The following EPG5 variants were observed in gnomAD, a reference collection of about 807,000 sequenced individuals.
EPG5 encodes ectopic P granules protein 5 homolog.
EPG5 carries 159 observed loss-of-function variants against 302.7 expected under a neutral mutation model. The observed-to-expected ratio is 0.53, with a 90% confidence interval of 0.46 to 0.60. The LOEUF (loss-of-function observed/expected upper bound fraction) is 0.60, where lower values mean the gene tolerates loss of function less well. Ranked by LOEUF, EPG5 falls within the 20% of genes least tolerant of loss-of-function variation. EPG5 has a pLI of 0.00. For synonymous variants in EPG5, 1,158 were observed against 1,136.8 expected (o/e 1.02, Z -0.37); for missense variants, 2,896 against 3,092.4 (o/e 0.94, Z 1.51).
chr18:45,964,827 C>G lies in EPG5; in HGVS notation c.63+2350G>C, dbSNP rs563985764. Reference sequence around the variant, plus strand: ...CACTAACAATACAAAAATTACCCAGCCTGTAATCCCAGCTACTCGGGAGGC... The same window carrying G: ...CACTAACAATACAAAAATTACCCAGGCTGTAATCCCAGCTACTCGGGAGGC... On this transcript the variant is annotated intron_variant, in intron 1 of 43. Coordinates refer to ENST00000282041, the MANE Select transcript of EPG5 (RefSeq NM_020964.3). 4.3e-4 allele frequency among the ~76,000 whole-genome samples: 66 copies of G among 152,248 alleles called. 1 individual carries two copies. In the South Asian group the frequency reaches 0.014, roughly 32 times the overall value.
At chr18:45,924,264 T>A (rs2145772560) in intron 14 of EPG5, among the ~76,000 whole-genome samples, 1 of 152,254 alleles carries the variant, frequency 6.6e-6, no homozygotes, top group African/African-American at 2.4e-5. Flanking sequence ...ATAAGGAGAC[T>A]CTCACGCAGC....
At chr18:45,813,120 C>T in the EPG5 span, among the ~76,000 whole-genome samples, 2 of 152,166 alleles carry the variant, frequency 1.3e-5, no homozygotes, top group African/African-American at 2.4e-5. Context: ...TGAACAGACA[C>T]GTCTCAAAAG....
chr18:45,906,115 C>T (rs561871339), intron 24 of EPG5, among the ~76,000 whole-genome samples: 1 of 152,304 alleles, frequency 6.6e-6, no homozygotes, highest in South Asian at 2.1e-4. Context: ...ATATATACCT[C>T]CCCTTCTGAC....
At chr18:45,837,563 G>T in the EPG5 span, 1 of 1,516,382 alleles carries the variant, frequency 6.6e-7, no homozygotes, top group Admixed American at 2.0e-5. Flanking sequence ...GGTGAGCGCG[G>T]AGGCAGGCGA....
In EPG5 at chr18:45,916,098, T is replaced by G. The variant is rs61744077; in HGVS notation, c.3493A>C (p.Ile1165Leu). The G allele has an allele frequency of 2.7e-5, 43 of 1,613,970 alleles. No individual in the cohort carries two copies. The highest frequency in any genetic ancestry group is 3.6e-5 in the Non-Finnish European group (42 of 1,180,002). ...SQHLWYREQPILFLMDHLCKA... is the reference protein window; with the variant it reads ...SQHLWYREQPLLFLMDHLCKA... ...CACAAGTGGTCCATGAGGAAGAGGA[T>G]AGGTTGTTCTCGGTACCAGAGATGC... The change falls in exon 19 of 44, where the codon ATC (isoleucine) becomes CTC (leucine). Residue 1165 changes from isoleucine (I) to leucine (L), a missense_variant. Transcript: ENST00000282041.
At chr18:45,865,855 G>T in intron 38 of EPG5, 96 bp from the exon 39 acceptor site, 1 of 1,355,504 alleles carries the variant, frequency 7.4e-7, no homozygotes, top group Non-Finnish European at 1.0e-6. Flanking sequence ...ATGAATGCTT[G>T]GGTAGGGAGT....
intron 1 of EPG5, among the ~76,000 whole-genome samples, chr18:45,960,982 T>C (rs1192661299): frequency 1.3e-5 from 2 of 152,172 alleles, no homozygotes; most frequent in African/African-American, 4.8e-5. Flanking sequence ...ACCAAACTCC[T>C]GATTTTCCCC....
chr18:45,951,309 T>G (rs1213275458), intron 3 of EPG5, 71 bp from the exon 4 acceptor site: 1 of 1,133,904 alleles, frequency 8.8e-7, no homozygotes, highest in Admixed American at 3.2e-5. Context: ...TGTCTTCACT[T>G]AAACCAATAA....
intron 14 of EPG5, among the ~76,000 whole-genome samples, chr18:45,923,617 C>G (rs948155073): frequency 6.6e-6 from 1 of 152,152 alleles, no homozygotes; most frequent in African/African-American, 2.4e-5. Flanking sequence ...AACCCCTACT[C>G]CAGCCAAAAA....
Position 45,955,111 on chromosome 18 carries a change from C to G in EPG5, c.291G>C (p.Thr97=), listed in dbSNP as rs376360251. Residue 97 remains threonine, a synonymous_variant, in exon 2 of 44, where the codon ACG becomes ACC. Coordinates refer to ENST00000282041, the MANE Select transcript of EPG5 (RefSeq NM_020964.3). The stretch of plus-strand genomic sequence containing the variant: ...CTTCCTTTGGGGGCTCTGTGTTACA[C>G]GTCAGGGACTCTTCATTGCTTATAG... ...SLTISNEESL[T]CNTEPPKEGG... is the part of the protein sequence containing the mutation. 5 of 1,613,838 alleles carry G rather than the reference C, an allele frequency of 3.1e-6. No individual in the cohort carries two copies. The highest frequency in any genetic ancestry group is 4.2e-6 in the Non-Finnish European group (5 of 1,179,914).
chr18:45,861,765 ATTTTC>A (rs2048641236), intron 39 of EPG5, among the ~76,000 whole-genome samples: 1 of 152,016 alleles, frequency 6.6e-6, no homozygotes, highest in Non-Finnish European at 1.5e-5. Flanking sequence ...TGATCAGTAT[ATTTTC>A]TTTTGCAGAA....
chr18:45,830,890 G>C, the EPG5 span, among the ~76,000 whole-genome samples: 1 of 151,950 alleles, frequency 6.6e-6, no homozygotes, highest in African/African-American at 2.4e-5. Context: ...GAGCCACCGC[G>C]CTTGGCCAGC....
At chr18:45,911,073 ATC>A (rs1491251129) in intron 22 of EPG5, among the ~76,000 whole-genome samples, 4 of 131,890 alleles carry the variant, frequency 3.0e-5, no homozygotes, top group Non-Finnish European at 4.7e-5. Flanking sequence ...CTATCTATCT[ATC>A]TATACACACA....
chr18:45,837,762 G>A, the EPG5 span: 2 of 1,519,934 alleles, frequency 1.3e-6, no homozygotes, highest in East Asian at 5.4e-5. Context: ...GGCAACCCGC[G>A]CCGCAACGAC....
intron 10 of EPG5, among the ~76,000 whole-genome samples, chr18:45,938,663 T>G (rs936045518): frequency 1.3e-5 from 2 of 152,184 alleles, no homozygotes; most frequent in Non-Finnish European, 2.9e-5. Flanking sequence ...TGGTTTAAAA[T>G]GTATTTCCTC....
chr18:45,964,113 G>A (rs1171632663), intron 1 of EPG5, among the ~76,000 whole-genome samples: 1 of 152,174 alleles, frequency 6.6e-6, no homozygotes, highest in East Asian at 1.9e-4. Context: ...AGTTGCCTAA[G>A]ATGGATAAAA....
intron 16 of EPG5, among the ~76,000 whole-genome samples, chr18:45,920,059 T>C (rs957370517): frequency 3.9e-5 from 6 of 152,192 alleles, no homozygotes; most frequent in African/African-American, 7.2e-5. Flanking sequence ...ATCACCTCCA[T>C]TCTCCAACAT....
intron 27 of EPG5, among the ~76,000 whole-genome samples, chr18:45,897,047 A>T (rs2049495651): frequency 1.3e-5 from 2 of 152,202 alleles, no homozygotes; most frequent in African/African-American, 4.8e-5. Context: ...TAAAATCTCA[A>T]TTCAAGGGTT....
chr18:45,946,321 A>C (rs144643728), intron 7 of EPG5, among the ~76,000 whole-genome samples: 109 of 152,244 alleles, frequency 7.2e-4, no homozygotes, highest in African/African-American at 2.1e-3. Context: ...ATATAAAAAA[A>C]CTCCTAATAT....
Sources: gnomAD v4.1 joint callset for allele counts (sites outside exome capture counted in the v4.1 genomes callset) on GRCh38, gnomAD v4.1.1 for gene constraint, MANE v1.5 for transcripts, NCBI Gene and HGNC (gene_info 2026-07-23, HGNC 2026-07-21) for gene names.